SRRM4: variants seen among roughly 807,000 people sequenced by gnomAD.
SRRM4 encodes serine/arginine repetitive matrix protein 4.
In SRRM4, 33 loss-of-function variants were observed where a neutral mutation model predicts 68.9. The observed-to-expected ratio is 0.48, with a 90% CI of 0.36 to 0.64. The LOEUF (loss-of-function observed/expected upper bound fraction) is 0.64. Ranked by LOEUF, SRRM4 falls within the 30% of genes least tolerant of loss-of-function variation. The pLI, the probability that SRRM4 is intolerant of heterozygous loss-of-function variation, is 0.00. For synonymous variants in SRRM4, 318 were observed against 318.8 expected, an observed-to-expected ratio of 1.00 and a Z score of 0.03; for missense variants, 817 against 827.1, an observed-to-expected ratio of 0.99 and a Z score of 0.15.
intron 5 of SRRM4, among the ~76,000 whole-genome samples, chr12:119,120,495 C>T (rs1592905939): frequency 6.7e-6 from 1 of 149,426 alleles, no homozygotes; most frequent in Non-Finnish European, 1.5e-5. Flanking sequence ...TGATCTTGGA[C>T]CAGCCCTATC....
chr12:119,037,271 T>C (rs924500541), intron 1 of SRRM4, among the ~76,000 whole-genome samples: 1 of 152,016 alleles, frequency 6.6e-6, no homozygotes, highest in Admixed American at 6.5e-5. Context: ...CAGAATACCA[T>C]ACCATGTGAG....
chr12:119,079,757 T>G (rs534931737), intron 1 of SRRM4, among the ~76,000 whole-genome samples: 8 of 152,178 alleles, frequency 5.3e-5, no homozygotes, highest in African/African-American at 1.9e-4. Context: ...CTGGTTATTA[T>G]GCCCGATCCT....
chr12:119,028,656 G>T (rs868673403), intron 1 of SRRM4, among the ~76,000 whole-genome samples: 1 of 152,090 alleles, frequency 6.6e-6, no homozygotes, highest in Non-Finnish European at 1.5e-5. Context: ...ACCTACAATG[G>T]ACAAATTCCA....
At chr12:119,062,104 C>T (rs548332467) in intron 1 of SRRM4, among the ~76,000 whole-genome samples, 2 of 152,300 alleles carry the variant, frequency 1.3e-5, no homozygotes, top group Admixed American at 6.5e-5. Flanking sequence ...ACCTGCACAG[C>T]ATGTTACTAT....
At chr12:119,092,874 T>A (rs1256019967) in intron 1 of SRRM4, among the ~76,000 whole-genome samples, 1 of 151,560 alleles carries the variant, frequency 6.6e-6, no homozygotes, top group Non-Finnish European at 1.5e-5. Context: ...TTATACCTGA[T>A]CCCTCATTAC....
chr12:119,089,329 CA>C (rs1437150486), intron 1 of SRRM4, among the ~76,000 whole-genome samples: 1 of 152,182 alleles, frequency 6.6e-6, no homozygotes, highest in African/African-American at 2.4e-5. Context: ...AATAAACCCA[CA>C]ATCCTGAGGT....
chr12:119,144,458 T>C (rs1936162676), intron 8 of SRRM4: 1 of 152,168 alleles, frequency 6.6e-6, no homozygotes, highest in South Asian at 2.1e-4. Flanking sequence ...GTGTGTGTTT[T>C]TTCTTGTCAA....
chr12:119,026,768 C>G (rs1256474958), intron 1 of SRRM4, among the ~76,000 whole-genome samples: 2 of 151,958 alleles, frequency 1.3e-5, no homozygotes, highest in Non-Finnish European at 2.9e-5. Flanking sequence ...CCAGGCTGAC[C>G]TCAAGTGATC....
chr12:119,069,196 G>A (rs886606908), intron 1 of SRRM4, among the ~76,000 whole-genome samples: 81 of 152,184 alleles, frequency 5.3e-4, no homozygotes, highest in African/African-American at 1.9e-3. Flanking sequence ...GTGGAACAAA[G>A]TGAGTGGTTT....
At chr12:119,023,368 G>A (rs890382385) in intron 1 of SRRM4, among the ~76,000 whole-genome samples, 2 of 152,186 alleles carry the variant, frequency 1.3e-5, no homozygotes, top group East Asian at 3.9e-4. Context: ...AGTTAGTTCT[G>A]TTTATCCTTT....
At position 119,065,800 on chromosome 12, in the gene SRRM4, C is replaced by CATGG. The variant is rs547539453; in HGVS notation, c.132-36418_132-36415dup. On this transcript the variant is annotated intron_variant, in intron 1 of 12. Coordinates refer to ENST00000267260, the MANE Select transcript of SRRM4 (RefSeq NM_194286.4). The stretch of plus-strand genomic sequence containing the variant: ...CCATGGGTCAGTGGTTGAATGGATG[C>CATGG]ATGGATGGATGGATGGATGGACAGA... Among the ~76,000 whole-genome samples the CATGG allele has an allele frequency of 1.3e-4, 20 of 151,748 alleles. No homozygotes were observed. In the South Asian group the frequency reaches 3.8e-3, roughly 29 times the overall value.
intron 1 of SRRM4, among the ~76,000 whole-genome samples, chr12:119,038,187 T>G (rs1469195872): frequency 6.7e-6 from 1 of 148,274 alleles, no homozygotes; most frequent in Non-Finnish European, 1.5e-5. Flanking sequence ...CACTTGATTC[T>G]TTATCCTTGA....
chr12:119,108,791 C>T (rs1954124460), intron 2 of SRRM4, among the ~76,000 whole-genome samples: 1 of 152,084 alleles, frequency 6.6e-6, no homozygotes. Context: ...CAGTCTGTGT[C>T]TTTTAATTGG....
rs569059380 is a variant in SRRM4, at chr12:119,081,366, AG to A, written c.132-20868del. Among the ~76,000 whole-genome samples the A allele has an allele frequency of 3.3e-5, 5 of 152,214 alleles. No individual in the cohort carries two copies. In the South Asian group the frequency reaches 1.0e-3, roughly 31 times the overall value. On this transcript the variant is annotated intron_variant, in intron 1 of 12. Transcript: ENST00000267260. The stretch of plus-strand genomic sequence containing the variant: ...TTTGAGCAAAGACTTGAAGAAAGTA[AG>A]GAAGTTGTAGCTATTTGGAGAAAGA...
At chr12:119,093,702 C>T (rs1954027721) in intron 1 of SRRM4, among the ~76,000 whole-genome samples, 1 of 152,146 alleles carries the variant, frequency 6.6e-6, no homozygotes, top group Non-Finnish European at 1.5e-5. Flanking sequence ...ACTCCAGGTC[C>T]CATGCATTTT....
In SRRM4 at chr12:119,162,297, T is replaced by A. The variant is rs1022698821; in HGVS notation, c.*5499T>A. 6.6e-6 allele frequency: 1 copy of A among 152,238 alleles called. No homozygotes were observed. Among genetic ancestry groups the A allele is most frequent in the African/African-American group, 2.4e-5 (1 of 41,464 alleles). The allele number at this position is 152,238 out of a possible 1,614,324, so 9.4% of individuals were successfully genotyped here. A position where few individuals can be genotyped will look rare whatever the true frequency, so the allele number is the denominator to read the frequency against. ...ATATATGGGAGACCTCAAGTTGCTG[T>A]CACCTTGATAACTCTTGTATCCTGG... On this transcript the variant is annotated 3_prime_UTR_variant, in exon 13 of 13. Coordinates refer to ENST00000267260, the MANE Select transcript of SRRM4 (RefSeq NM_194286.4).
At chr12:119,093,300 T>C (rs1221740444) in intron 1 of SRRM4, among the ~76,000 whole-genome samples, 2 of 152,238 alleles carry the variant, frequency 1.3e-5, no homozygotes, top group East Asian at 1.9e-4. Context: ...AGATGCTCAA[T>C]AAATATTTGT....
intron 8 of SRRM4, among the ~76,000 whole-genome samples, chr12:119,134,001 T>C (rs775845268): frequency 1.1e-4 from 16 of 151,890 alleles, no homozygotes; most frequent in Non-Finnish European, 2.2e-4. Context: ...GGTGAGCCAA[T>C]GAAGGGGGAA....
chr12:118,998,521 C>T (rs1953363956), intron 1 of SRRM4, among the ~76,000 whole-genome samples: 3 of 152,186 alleles, frequency 2.0e-5, no homozygotes, highest in African/African-American at 7.2e-5. Flanking sequence ...AGAATCAGAT[C>T]AAGTGCTAAC....
Sources: allele counts gnomAD v4.1 joint callset (sites outside exome capture counted in the v4.1 genomes callset), GRCh38; gene constraint gnomAD v4.1.1; transcripts MANE v1.5; gene names NCBI Gene and HGNC (gene_info 2026-07-23, HGNC 2026-07-21).